Variants in GSR observed in about 807,000 individuals in gnomAD.
GSR encodes the protein glutathione-disulfide reductase, also known as glutathione reductase, mitochondrial.
GSR carries 48 observed loss-of-function variants against 56.5 expected under a neutral mutation model. The observed-to-expected ratio is 0.85, with a 90% confidence interval of 0.67 to 1.08. GSR has a LOEUF of 1.08. Among genes scored for constraint, GSR ranks in the 50% least tolerant of loss-of-function variants. The probability of loss-of-function intolerance (pLI) is 0.00; values close to 1 mark genes in which losing one functional copy is unlikely to be tolerated. For synonymous variants in GSR, 264 were observed against 270.8 expected (o/e 0.97, Z 0.25); for missense variants, 694 against 703.3 (o/e 0.99, Z 0.15).
intron 2 of GSR, 146 bp downstream of exon 2, chr8:30,711,916 C>A: frequency 2.3e-6 from 1 of 428,618 alleles, no homozygotes; most frequent in Non-Finnish European, 4.3e-6. Context: ...AAAAACAATC[C>A]TATTGCTTAA....
Position 30,681,959 on chromosome 8 carries a change from G to T in GSR, c.1256C>A (p.Pro419His), listed in dbSNP as rs746243432. ...NNIPTVVFSHPPIGTVGLTED... is the reference protein window; with the variant it reads ...NNIPTVVFSHHPIGTVGLTED... ...CGTGAGTCCCACTGTCCCAATAGGGGGGTGGCTGAAGACCACAGTTGGGAT... is the reference window on the plus strand; with the variant it reads ...CGTGAGTCCCACTGTCCCAATAGGGTGGTGGCTGAAGACCACAGTTGGGAT... Residue 419 changes from proline to histidine, a missense_variant, in exon 11 of 13, where the codon CCC (proline) becomes CAC (histidine). Pro to His is a moderately conservative substitution (Grantham distance 77). Transcript: ENST00000221130. 2 of 1,613,490 alleles carry T rather than the reference G, an allele frequency of 1.2e-6. No individual in the cohort carries two copies. Among genetic ancestry groups the T allele is most frequent in the Non-Finnish European group, 1.7e-6 (2 of 1,179,432 alleles).
chr8:30,681,761 C>CA lies in GSR; in HGVS notation c.1285+168dup, dbSNP rs1802967685. On this transcript the variant is annotated intron_variant, in intron 11 of 12. Coordinates refer to ENST00000221130, the MANE Select transcript of GSR (RefSeq NM_000637.5). ...GTGTGAAGGAAAGATACTGTACACTCAAAGTAGTAGCAGGGGAGAAAACTG... is the reference window on the plus strand; with the variant it reads ...GTGTGAAGGAAAGATACTGTACACTCAAAAGTAGTAGCAGGGGAGAAAACTG... Among the ~76,000 whole-genome samples the CA allele has an allele frequency of 2.0e-5, 3 of 151,490 alleles. No homozygotes were observed. The East Asian group carries it at 5.8e-4, about 29-fold the overall frequency.
Position 30,681,019 on chromosome 8 carries a change from T to C in GSR, c.1304A>G (p.Tyr435Cys), listed in dbSNP as rs1401498200. Residue 435 changes from tyrosine (Y) to cysteine (C), a missense_variant, in exon 12 of 13, where the codon TAT (tyrosine) becomes TGT (cysteine). Transcript: ENST00000221130. Reference sequence around the variant, plus strand: ...ATAGGTCTTCACATTTTCTATTCCATATTTATGAATGGCTTCATCTACAAT... The same window carrying C: ...ATAGGTCTTCACATTTTCTATTCCACATTTATGAATGGCTTCATCTACAAT... ...GLTEDEAIHK[Y>C]GIENVKTYST... 6.2e-7 allele frequency: 1 copy of C among 1,609,138 alleles called. No homozygotes were observed. The highest frequency in any genetic ancestry group is 1.7e-5 in the Admixed American group (1 of 59,992).
At chr8:30,727,334 G>A (rs548063723) in intron 1 of GSR, among the ~76,000 whole-genome samples, 196 bp downstream of exon 1, 3 of 152,340 alleles carry the variant, frequency 2.0e-5, no homozygotes, top group South Asian at 2.1e-4. Flanking sequence ...GGCTTTGCGG[G>A]CCGCAGAGAA....
At chr8:30,696,830 G>A (rs1434566466) in intron 6 of GSR, among the ~76,000 whole-genome samples, 2 of 152,036 alleles carry the variant, frequency 1.3e-5, no homozygotes, top group African/African-American at 2.4e-5. Context: ...TGAGTAGCTG[G>A]GACTACAGAC....
intron 8 of GSR, 93 bp downstream of exon 8, chr8:30,692,876 T>C (rs1803434749): frequency 5.0e-6 from 4 of 792,606 alleles, no homozygotes; most frequent in South Asian, 1.3e-5. Flanking sequence ...GGGGTAGACA[T>C]AGTGTTTGTG....
Position 30,684,830 on chromosome 8 carries a change from A to G in GSR, c.1042-631T>C, listed in dbSNP as rs374405910. Among the ~76,000 whole-genome samples, 11 of 152,110 alleles carry G rather than the reference A, an allele frequency of 7.2e-5. 2 individuals are homozygous for G. Among genetic ancestry groups the G allele is most frequent in the African/African-American group, 2.6e-4 (11 of 41,520 alleles). On this transcript the variant is annotated intron_variant, in intron 9 of 12. Coordinates refer to ENST00000221130, the MANE Select transcript of GSR (RefSeq NM_000637.5). ...AGTGGTGTGATCATGGCTCACTGCAATCTTGACCTCCTGGGCTTAAGCAAT... is the reference window on the plus strand; with the variant it reads ...AGTGGTGTGATCATGGCTCACTGCAGTCTTGACCTCCTGGGCTTAAGCAAT...
At chr8:30,699,245 G>A (rs1319524379) in intron 6 of GSR, among the ~76,000 whole-genome samples, 3 of 151,910 alleles carry the variant, frequency 2.0e-5, no homozygotes, top group Non-Finnish European at 4.4e-5. Context: ...AAGCCATGAT[G>A]GCACCACTGC....
intron 4 of GSR, among the ~76,000 whole-genome samples, chr8:30,707,864 G>A (rs1586057649): frequency 2.0e-5 from 3 of 152,204 alleles, no homozygotes; most frequent in Admixed American, 6.6e-5. Flanking sequence ...GGCTGAGGCA[G>A]GAGAATTGCT....
chr8:30,707,158 G>A (rs145380341), intron 4 of GSR: 1 of 152,292 alleles, frequency 6.6e-6, no homozygotes, highest in East Asian at 1.9e-4. Context: ...ACAATGGCAG[G>A]TTTTCAGCTA....
Position 30,692,970 on chromosome 8 carries a change from T to C in GSR, c.881A>G (p.Gln294Arg). Residue 294 changes from glutamine (Q) to arginine (R), a missense_variant and splice_region_variant, in exon 8 of 13, where the codon CAG becomes CGG. By Grantham distance (43) the Gln-to-Arg change is conservative. Coordinates refer to ENST00000221130, the MANE Select transcript of GSR (RefSeq NM_000637.5). The part of the protein sequence containing the change: ...NAGVEVLKFS[Q>R]VKEVKKTLSG... ...GCATGCCTGGGCTTGGCACTGTACCTGGGAGAACTTCAGCACCTCCACGCC... is the reference window on the plus strand; with the variant it reads ...GCATGCCTGGGCTTGGCACTGTACCCGGGAGAACTTCAGCACCTCCACGCC... 6.2e-7 allele frequency: 1 copy of C among 1,601,664 alleles called. No homozygotes were observed. The highest frequency in any genetic ancestry group is 8.5e-7 in the Non-Finnish European group (1 of 1,169,674).
At chr8:30,696,006 C>T (rs566172752) in intron 7 of GSR, among the ~76,000 whole-genome samples, 2 of 152,150 alleles carry the variant, frequency 1.3e-5, no homozygotes, top group South Asian at 4.2e-4. Flanking sequence ...TGCCACTGCA[C>T]TCCAGCCTGG....
At chr8:30,725,676 G>A (rs565169456) in intron 1 of GSR, among the ~76,000 whole-genome samples, 12 of 152,110 alleles carry the variant, frequency 7.9e-5, no homozygotes, top group African/African-American at 2.7e-4. Flanking sequence ...GAGGTCAGGA[G>A]TTTGAGACCA....
intron 7 of GSR, among the ~76,000 whole-genome samples, chr8:30,694,761 TG>T (rs1247178077): frequency 6.6e-6 from 1 of 151,916 alleles, no homozygotes; most frequent in Non-Finnish European, 1.5e-5. Context: ...TCACTGGGTG[TG>T]GTGGCATGTT....
chr8:30,693,034 TTGA>T lies in GSR; in HGVS notation c.814_816del (p.Ser272del). ...TCCTCCGTGCAGTTGGTGCTGATCA[TTGA>T]ATCAAAACTTCTAAGTACCTGCATA... On this transcript the variant is annotated inframe_deletion, in exon 8 of 13. Transcript: ENST00000221130. 1 of 1,611,436 alleles carries T rather than the reference TTGA, an allele frequency of 6.2e-7. No homozygotes were observed. Among genetic ancestry groups the T allele is most frequent in the Non-Finnish European group, 8.5e-7 (1 of 1,177,846 alleles).
At chr8:30,693,223 C>A (rs938079818) in intron 7 of GSR, among the ~76,000 whole-genome samples, 168 bp from the exon 8 acceptor site, 15 of 152,138 alleles carry the variant, frequency 9.9e-5, no homozygotes, top group African/African-American at 3.6e-4. Flanking sequence ...TTTCCTACAT[C>A]ACCACCACCA....
chr8:30,705,887 CA>C (rs1803903714), intron 4 of GSR, among the ~76,000 whole-genome samples: 1 of 152,064 alleles, frequency 6.6e-6, no homozygotes, highest in African/African-American at 2.4e-5. Context: ...ATTCACCCTC[CA>C]AAAAATAAAC....
intron 1 of GSR, among the ~76,000 whole-genome samples, 186 bp from the exon 2 acceptor site, chr8:30,712,274 G>A (rs1195397586): frequency 1.3e-5 from 2 of 152,122 alleles, no homozygotes; most frequent in African/African-American, 4.8e-5. Flanking sequence ...TCTGTAATGA[G>A]GGAGAGAAGT....
rs1804162609 is a variant in GSR at position 30,712,050 on chromosome 8, TA to T, written c.333+11del. 2 of 1,322,110 alleles carry T rather than the reference TA, an allele frequency of 1.5e-6. No homozygotes were observed. Among genetic ancestry groups the T allele is most frequent in the Non-Finnish European group, 2.2e-6 (2 of 924,036 alleles). The allele number at this position is 1,322,110 out of a possible 1,614,324, so 81.9% of individuals were successfully genotyped here. On this transcript the variant is annotated intron_variant, in intron 2 of 12. Transcript: ENST00000221130. Reference sequence around the variant, plus strand: ...AAAGGATTGTAAAGGGAAAGAGAAATAAAAATTCTACCTTTTTGGGTACACA... The same window carrying T: ...AAAGGATTGTAAAGGGAAAGAGAAATAAAATTCTACCTTTTTGGGTACACA...
Sources: gnomAD v4.1 joint callset for allele counts (sites outside exome capture counted in the v4.1 genomes callset) on GRCh38, gnomAD v4.1.1 for gene constraint, MANE v1.5 for transcripts, NCBI Gene and HGNC (gene_info 2026-07-23, HGNC 2026-07-21) for gene names.